The following NOS1AP variants were observed in gnomAD, a reference collection of about 807,000 sequenced individuals.
The protein encoded by NOS1AP is nitric oxide synthase 1 adaptor protein, also known as carboxyl-terminal PDZ ligand of neuronal nitric oxide synthase protein.
NOS1AP carries 21 observed loss-of-function variants against 56.2 expected under a neutral mutation model. The ratio of observed to expected loss-of-function variants is 0.37; its 90% CI spans 0.26 to 0.54. The LOEUF (loss-of-function observed/expected upper bound fraction) is 0.54, where lower values mean the gene tolerates loss of function less well. Among genes scored for constraint, NOS1AP ranks in the 20% least tolerant of loss-of-function variants. The pLI is 0.84. For synonymous variants in NOS1AP, 270 were observed against 274.6 expected (o/e 0.98, Z 0.17); for missense variants, 522 against 657.8 (o/e 0.79, Z 2.26).
chr1:162,139,055 T>A (rs1383093710), intron 1 of NOS1AP, among the ~76,000 whole-genome samples: 1 of 152,166 alleles, frequency 6.6e-6, no homozygotes, highest in Non-Finnish European at 1.5e-5. Context: ...TCATAATAGG[T>A]AAGCATCTGG....
chr1:162,285,390 A>ATGCC (rs2101735230), intron 2 of NOS1AP, among the ~76,000 whole-genome samples: 1 of 152,328 alleles, frequency 6.6e-6, no homozygotes, highest in African/African-American at 2.4e-5. Context: ...GCAGATTGTA[A>ATGCC]TGCCGGTTCT....
chr1:162,262,034 G>A (rs1654256785), intron 2 of NOS1AP, among the ~76,000 whole-genome samples: 1 of 152,158 alleles, frequency 6.6e-6, no homozygotes, highest in African/African-American at 2.4e-5. Context: ...ATTGAGGGAG[G>A]CTTGCCTATA....
chr1:162,366,129 G>A lies in NOS1AP; in HGVS notation c.1105+560G>A, dbSNP rs540838063. 3.9e-5 allele frequency among the ~76,000 whole-genome samples: 6 copies of A among 152,276 alleles called. No individual in the cohort carries two copies. The South Asian group carries it at 1.2e-3, about 32-fold the overall frequency. On this transcript the variant is annotated intron_variant, in intron 9 of 9. Coordinates refer to ENST00000361897, the MANE Select transcript of NOS1AP (RefSeq NM_014697.3). ...AGGTTGCCTGGCCCCTGCTTGAGAA[G>A]CTGTCTCTACACTCAGTACCCCTGG...
chr1:162,333,177 C>T lies in NOS1AP; in HGVS notation c.453+52C>T, dbSNP rs375188675. On this transcript the variant is annotated intron_variant, in intron 5 of 9. Coordinates refer to ENST00000361897, the MANE Select transcript of NOS1AP (RefSeq NM_014697.3). ...CTATTTTCCTCTAATGGTTCCAAAG[C>T]ACCCCCAACATTGGCCCGTCTCCCT... 6.6e-5 allele frequency: 83 copies of T among 1,257,592 alleles called. No homozygotes were observed. In the Middle Eastern group the frequency reaches 1.1e-3, roughly 17 times the overall value. The allele number at this position is 1,257,592 out of a possible 1,614,324, so 77.9% of individuals were successfully genotyped here. A position where few individuals can be genotyped will look rare whatever the true frequency, so the allele number is the denominator to read the frequency against.
At position 162,357,134 on chromosome 1, in the gene NOS1AP, CA is replaced by C; in HGVS notation, c.938del (p.Gln313ArgfsTer5). ...QQQQTQVAVAQVHLLKDQLAA... is the reference protein window; with the variant it reads ...QQQQTQVAVAXVHLLKDQLAA... ...GCAGCAGACACAAGTGGCTGTGGCC[CA>C]GGTTCTCCTCAGCCTCCTCCCTACT... On this transcript the variant is annotated frameshift_variant and splice_region_variant, in exon 8 of 10. Coordinates refer to ENST00000361897, the MANE Select transcript of NOS1AP (RefSeq NM_014697.3). LOFTEE classifies it high-confidence loss of function. 6.2e-7 allele frequency: 1 copy of C among 1,605,912 alleles called. No homozygotes were observed. The highest frequency in any genetic ancestry group is 8.5e-7 in the Non-Finnish European group (1 of 1,179,748).
At chr1:162,314,809 C>T (rs568815645) in intron 4 of NOS1AP, among the ~76,000 whole-genome samples, 8 of 152,274 alleles carry the variant, frequency 5.3e-5, no homozygotes, top group African/African-American at 1.9e-4. Flanking sequence ...CAAGGTAAGA[C>T]TCCTATTTTG....
intron 1 of NOS1AP, among the ~76,000 whole-genome samples, chr1:162,107,026 G>A (rs1647537375): frequency 6.6e-6 from 1 of 152,154 alleles, no homozygotes; most frequent in Non-Finnish European, 1.5e-5. Flanking sequence ...TTCATTAGAG[G>A]ACAGTTGGGT....
chr1:162,218,407 C>A (rs1652654330), intron 2 of NOS1AP, among the ~76,000 whole-genome samples: 1 of 152,170 alleles, frequency 6.6e-6, no homozygotes, highest in Non-Finnish European at 1.5e-5. Flanking sequence ...AACTCTCTTA[C>A]CTATTTGAAA....
At chr1:162,190,542 A>C (rs1399361135) in intron 2 of NOS1AP, among the ~76,000 whole-genome samples, 6 of 152,166 alleles carry the variant, frequency 3.9e-5, no homozygotes, top group Non-Finnish European at 7.3e-5. Flanking sequence ...AATACATAGA[A>C]TATATAATGA....
At chr1:162,202,056 G>C (rs1184181135) in intron 2 of NOS1AP, among the ~76,000 whole-genome samples, 1 of 152,182 alleles carries the variant, frequency 6.6e-6, no homozygotes, top group Admixed American at 6.5e-5. Context: ...CTCAGGTTTT[G>C]ACAGGGTTTT....
At chr1:162,350,652 CTTTT>C (rs1311661834) in intron 6 of NOS1AP, among the ~76,000 whole-genome samples, 1 of 152,178 alleles carries the variant, frequency 6.6e-6, no homozygotes, top group Non-Finnish European at 1.5e-5. Flanking sequence ...GAAAATAAAA[CTTTT>C]TTTATTTAAT....
intron 1 of NOS1AP, among the ~76,000 whole-genome samples, chr1:162,100,113 A>G (rs1692348791): frequency 6.6e-6 from 1 of 152,198 alleles, no homozygotes; most frequent in Non-Finnish European, 1.5e-5. Context: ...GTGTCTTTAT[A>G]GCAGCATGAT....
chr1:162,170,330 T>A (rs1650704794), intron 2 of NOS1AP, among the ~76,000 whole-genome samples: 1 of 152,184 alleles, frequency 6.6e-6, no homozygotes, highest in South Asian at 2.1e-4. Context: ...GTACTGTTAT[T>A]AGCCCCATTT....
At chr1:162,215,216 G>A (rs1055699451) in intron 2 of NOS1AP, among the ~76,000 whole-genome samples, 1 of 152,128 alleles carries the variant, frequency 6.6e-6, no homozygotes, top group South Asian at 2.1e-4. Context: ...CCCTAGCCTC[G>A]GGGCCCGTAA....
chr1:162,086,964 C>T (rs1313630083), intron 1 of NOS1AP, among the ~76,000 whole-genome samples: 2 of 152,190 alleles, frequency 1.3e-5, no homozygotes, highest in African/African-American at 2.4e-5. Context: ...TTCTCACCCT[C>T]GTCCAACTGT....
rs1252505657 is a variant in NOS1AP at position 162,131,354 on chromosome 1, A to G, written c.106-23051A>G. On this transcript the variant is annotated intron_variant, in intron 1 of 9. Coordinates refer to ENST00000361897, the MANE Select transcript of NOS1AP (RefSeq NM_014697.3). ...CACATACCTCAACAGCTAATATAAT[A>G]AAGACCCTAATATCTCTATGCTCCC... 2.6e-5 allele frequency among the ~76,000 whole-genome samples: 4 copies of G among 151,808 alleles called. No individual in the cohort carries two copies. The East Asian group carries it at 7.9e-4, about 30-fold the overall frequency.
At chr1:162,181,547 ATTT>A (rs1651263239) in intron 2 of NOS1AP, among the ~76,000 whole-genome samples, 4 of 152,126 alleles carry the variant, frequency 2.6e-5, no homozygotes, top group Non-Finnish European at 5.9e-5. Context: ...GTCAGCTCTT[ATTT>A]TTTCACTATT....
rs563235021 is a variant in NOS1AP at position 162,208,864 on chromosome 1, G to A, written c.177+54388G>A. ...ATCTGCTCAGCTCATTTTCCTGGTT[G>A]CACCACCTTCATGTGAGGCTGGGGA... On this transcript the variant is annotated intron_variant, in intron 2 of 9. Transcript: ENST00000361897. Among the ~76,000 whole-genome samples, 3 of 152,324 alleles carry A rather than the reference G, an allele frequency of 2.0e-5. No homozygotes were observed. In the East Asian group the frequency reaches 5.8e-4, roughly 29 times the overall value.
In NOS1AP at chr1:162,357,041, G is replaced by T. The variant is rs1285793032; in HGVS notation, c.844G>T (p.Gly282Cys). 5.0e-6 allele frequency: 8 copies of T among 1,613,636 alleles called. No individual in the cohort carries two copies. The Admixed American group carries it at 1.3e-4, about 27-fold the overall frequency. Residue 282 changes from glycine (G) to cysteine (C), a missense_variant, in exon 8 of 10, where the codon GGC (glycine) becomes TGC (cysteine). This residue lies in a region of NOS1AP where 178 missense variants were observed against 165.0 expected (regional missense o/e 1.08). Coordinates refer to ENST00000361897, the MANE Select transcript of NOS1AP (RefSeq NM_014697.3). ...TTCTTCCTCGAAGCCTCCAGGCCTG[G>T]GCACAGAGACACCGCTGTCCACTCA... ...PSSSSKPPGL[G>C]TETPLSTHHQ...
Sources: gnomAD v4.1 joint callset for allele counts (sites outside exome capture counted in the v4.1 genomes callset) on GRCh38, gnomAD v4.1.1 for gene constraint, gnomAD v4.1.1 regional missense constraint, MANE v1.5 for transcripts, NCBI Gene and HGNC (gene_info 2026-07-23, HGNC 2026-07-21) for gene names.